Variants in CARM1 observed in about 807,000 individuals in gnomAD.
The protein encoded by CARM1 is histone-arginine methyltransferase CARM1.
A neutral mutation model predicts 72.7 loss-of-function variants in CARM1; 14 were observed. The observed-to-expected ratio is 0.19, with a 90% CI of 0.13 to 0.30. The LOEUF is 0.30. Among genes scored for constraint, CARM1 ranks in the 10% least tolerant of loss-of-function variants. The pLI is 1.00. For synonymous variants in CARM1, 333 were observed against 345.5 expected (o/e 0.96, Z 0.40); for missense variants, 432 against 833.7 (o/e 0.52, Z 5.93).
At chr19:10,879,009 G>A (rs979154477) in intron 1 of CARM1, among the ~76,000 whole-genome samples, 8 of 152,094 alleles carry the variant, frequency 5.3e-5, no homozygotes, top group African/African-American at 1.7e-4. Context: ...GTATCGCCAC[G>A]TTGGCCAGGC....
chr19:10,921,045 C>T lies in CARM1; in HGVS notation c.1538-5C>T, dbSNP rs759192837. 14 of 1,613,900 alleles carry T rather than the reference C, an allele frequency of 8.7e-6. No individual in the cohort carries two copies. Among genetic ancestry groups the T allele is most frequent in the South Asian group, 2.2e-5 (2 of 91,092 alleles). On this transcript the variant is annotated splice_region_variant and splice_polypyrimidine_tract_variant and intron_variant, in intron 13 of 15. Transcript: ENST00000327064. Reference sequence around the variant, plus strand: ...CAGCCCTGACGTCTCCCTCTCTGGACACAGGGATGCCGACCGCCTATGACT... The same window carrying T: ...CAGCCCTGACGTCTCCCTCTCTGGATACAGGGATGCCGACCGCCTATGACT...
rs147023979 is a variant in CARM1, at chr19:10,872,655, C to T, written c.220+733C>T. ...GATGTGAGAAGCTGGTTACATTTTC[C>T]GAAGCTGCTTTCAAAACTGACATTT... On this transcript the variant is annotated intron_variant, in intron 1 of 15. Transcript: ENST00000327064. 1.8e-3 allele frequency among the ~76,000 whole-genome samples: 270 copies of T among 152,196 alleles called. 3 individuals carry two copies. The highest frequency in any genetic ancestry group is 9.8e-3 in the South Asian group (47 of 4,816).
intron 1 of CARM1, among the ~76,000 whole-genome samples, chr19:10,880,491 C>T (rs1053271133): frequency 4.6e-5 from 7 of 151,528 alleles, no homozygotes; most frequent in East Asian, 1.9e-4. Flanking sequence ...GGACCACAGG[C>T]GCACATCACC....
At chr19:10,874,279 A>C (rs556756979) in intron 1 of CARM1, among the ~76,000 whole-genome samples, 1 of 152,300 alleles carries the variant, frequency 6.6e-6, no homozygotes, top group African/African-American at 2.4e-5. Flanking sequence ...GAGAAAGTCC[A>C]CATTCCTCAG....
intron 2 of CARM1, among the ~76,000 whole-genome samples, chr19:10,907,116 A>G (rs1341306953): frequency 6.6e-6 from 1 of 151,952 alleles, no homozygotes; most frequent in Non-Finnish European, 1.5e-5. Flanking sequence ...CATGTTGGCC[A>G]GGCTGGTCTC....
In CARM1 at chr19:10,912,661, T is replaced by C. The variant is rs919590340; in HGVS notation, c.669+367T>C. On this transcript the variant is annotated intron_variant, in intron 5 of 15. Transcript: ENST00000327064. This position sits in a 1 kb window ranked among gnomAD's most constrained non-coding sequence, Gnocchi z 4.5. ...AGAGAGGAGCTACGGCCACAAAGTC[T>C]GAGCAGAGCTATTCCGTGAGCGTCC... Among the ~76,000 whole-genome samples, 6 of 150,658 alleles carry C rather than the reference T, an allele frequency of 4.0e-5. No individual in the cohort carries two copies. Among genetic ancestry groups the C allele is most frequent in the Non-Finnish European group, 7.4e-5 (5 of 67,698 alleles).
At chr19:10,921,305 G>A in intron 14 of CARM1, 70 bp from the exon 15 acceptor site, 1 of 1,560,908 alleles carries the variant, frequency 6.4e-7, no homozygotes, top group Non-Finnish European at 8.8e-7. Flanking sequence ...GCCTGCTGCT[G>A]TGCATGGGCT....
Position 10,885,211 on chromosome 19 carries a change from C to A in CARM1, c.220+13289C>A, listed in dbSNP as rs780837067. 7.9e-5 allele frequency among the ~76,000 whole-genome samples: 12 copies of A among 152,222 alleles called. No individual in the cohort carries two copies. In the East Asian group the frequency reaches 2.1e-3, roughly 27 times the overall value. On this transcript the variant is annotated intron_variant, in intron 1 of 15. Coordinates refer to ENST00000327064, the MANE Select transcript of CARM1 (RefSeq NM_199141.2). The stretch of plus-strand genomic sequence containing the variant: ...TCATCATTTGTCCCCTGCTGCCAGG[C>A]GGGGCATTCTTGTAAACAGGTCCAG...
intron 1 of CARM1, among the ~76,000 whole-genome samples, chr19:10,887,079 C>A (rs912519418): frequency 6.6e-6 from 1 of 152,230 alleles, no homozygotes; most frequent in Non-Finnish European, 1.5e-5. Flanking sequence ...AACTGAGGCA[C>A]TAAAACTTTG....
At position 10,913,948 on chromosome 19, in the gene CARM1, C is replaced by G. The variant is rs2074174926; in HGVS notation, c.741C>G (p.Leu247=). The change falls in exon 6 of 16, where the codon CTC becomes CTG. Residue 247 remains leucine, a synonymous_variant. Coordinates refer to ENST00000327064, the MANE Select transcript of CARM1 (RefSeq NM_199141.2). ...VIPGKVEEVS[L]PEQVDIIISE... is the part of the protein sequence containing the mutation. ...CGGGCAAGGTGGAGGAGGTGTCACTCCCCGAGCAGGTGGACATCATCATCT... is the reference window on the plus strand; with the variant it reads ...CGGGCAAGGTGGAGGAGGTGTCACTGCCCGAGCAGGTGGACATCATCATCT... 1 of 1,613,726 alleles carries G rather than the reference C, an allele frequency of 6.2e-7. No homozygotes were observed. The highest frequency in any genetic ancestry group is 1.3e-5 in the African/African-American group (1 of 74,950).
chr19:10,912,669 G>A lies in CARM1; in HGVS notation c.669+375G>A, dbSNP rs908581809. ...GCTACGGCCACAAAGTCTGAGCAGA[G>A]CTATTCCGTGAGCGTCCTCTCGCAC... On this transcript the variant is annotated intron_variant, in intron 5 of 15. Coordinates refer to ENST00000327064, the MANE Select transcript of CARM1 (RefSeq NM_199141.2). The surrounding 1 kb of genome is among the most constrained non-coding windows in gnomAD (Gnocchi z 4.5). Among the ~76,000 whole-genome samples, 6 of 151,996 alleles carry A rather than the reference G, an allele frequency of 3.9e-5. No homozygotes were observed. Among genetic ancestry groups the A allele is most frequent in the African/African-American group, 1.4e-4 (6 of 41,390 alleles).
chr19:10,895,218 C>T (rs1016810813), intron 1 of CARM1, among the ~76,000 whole-genome samples: 1 of 152,332 alleles, frequency 6.6e-6, no homozygotes, highest in African/African-American at 2.4e-5. Flanking sequence ...TATTCTCGTG[C>T]CTCAGCCTCC....
chr19:10,904,888 C>G (rs1452796268), intron 1 of CARM1, 63 bp from the exon 2 acceptor site: 10 of 1,586,280 alleles, frequency 6.3e-6, no homozygotes, highest in Non-Finnish European at 8.6e-6. Flanking sequence ...GACAGGGACC[C>G]AGGCTCAAAA....
At chr19:10,913,670 A>G (rs2074172201) in intron 5 of CARM1, among the ~76,000 whole-genome samples, 1 of 151,970 alleles carries the variant, frequency 6.6e-6, no homozygotes, top group African/African-American at 2.4e-5. Context: ...AAGTGCTGGG[A>G]TTACAGGCAT....
At chr19:10,891,689 C>T (rs868310727) in intron 1 of CARM1, among the ~76,000 whole-genome samples, 3 of 152,242 alleles carry the variant, frequency 2.0e-5, no homozygotes, top group African/African-American at 7.2e-5. Flanking sequence ...CCGGCCCTCC[C>T]GCCCCCAGCC....
chr19:10,881,275 C>T (rs905665591), intron 1 of CARM1, among the ~76,000 whole-genome samples: 8 of 152,204 alleles, frequency 5.3e-5, no homozygotes, highest in Non-Finnish European at 1.0e-4. Flanking sequence ...ATAAATTGGC[C>T]GTGGTGTAGC....
At chr19:10,921,259 G>C in intron 14 of CARM1, 116 bp from the exon 15 acceptor site, 1 of 1,446,066 alleles carries the variant, frequency 6.9e-7, no homozygotes, top group South Asian at 1.2e-5. Flanking sequence ...GGGGGCTCTC[G>C]GCCGAGGCTC....
At chr19:10,884,973 T>G (rs979299302) in intron 1 of CARM1, among the ~76,000 whole-genome samples, 1 of 152,244 alleles carries the variant, frequency 6.6e-6, no homozygotes, top group Non-Finnish European at 1.5e-5. Context: ...CCCAAAGTGC[T>G]GGGATTACAG....
At chr19:10,906,972 T>A (rs2074110469) in intron 2 of CARM1, among the ~76,000 whole-genome samples, 2 of 151,298 alleles carry the variant, frequency 1.3e-5, no homozygotes. Context: ...AGTCACACAA[T>A]CTTGGCTCAC....
Sources: allele counts gnomAD v4.1 joint callset (sites outside exome capture counted in the v4.1 genomes callset), GRCh38; gene constraint gnomAD v4.1.1; non-coding constraint Gnocchi (gnomAD v3.1); transcripts MANE v1.5; gene names NCBI Gene and HGNC (gene_info 2026-07-23, HGNC 2026-07-21).